The following CSMD1 variants were observed in gnomAD, a reference collection of about 807,000 sequenced individuals.
The protein encoded by CSMD1 is CUB and sushi domain-containing protein 1.
In CSMD1, 213 loss-of-function variants were observed where a neutral mutation model predicts 417.5. The ratio of observed to expected loss-of-function variants is 0.51; its 90% CI spans 0.46 to 0.57. The LOEUF is 0.57. Ranked by LOEUF, CSMD1 falls within the 20% of genes least tolerant of loss-of-function variation. The pLI is 0.00. For missense variants in CSMD1, 6,923 were observed against 4,529.7 expected (o/e 1.53, Z -15.17); for synonymous variants, 2,862 against 1,736.8 (o/e 1.65, Z -16.11).
At chr8:3,701,528 T>G (rs1230685134) in intron 7 of CSMD1, among the ~76,000 whole-genome samples, 1 of 151,388 alleles carries the variant, frequency 6.6e-6, no homozygotes. Flanking sequence ...TTTTTTAGCA[T>G]ATTGGAATTT....
At chr8:4,220,307 G>A (rs1001285558) in intron 3 of CSMD1, among the ~76,000 whole-genome samples, 5 of 152,140 alleles carry the variant, frequency 3.3e-5, no homozygotes, top group Non-Finnish European at 7.4e-5. Flanking sequence ...TTATTTGACT[G>A]GAAATTTGAA....
intron 3 of CSMD1, among the ~76,000 whole-genome samples, chr8:4,076,026 A>T (rs1293539474): frequency 6.6e-6 from 1 of 152,142 alleles, no homozygotes; most frequent in Non-Finnish European, 1.5e-5. Flanking sequence ...AATTCCTATA[A>T]ATATTATGGA....
intron 26 of CSMD1, among the ~76,000 whole-genome samples, chr8:3,240,172 C>G (rs1799406875): frequency 6.6e-6 from 1 of 152,024 alleles, no homozygotes; most frequent in Non-Finnish European, 1.5e-5. Flanking sequence ...GGTCCCGGTT[C>G]TTGTGTAAGA....
intron 1 of CSMD1, among the ~76,000 whole-genome samples, chr8:4,697,667 G>T (rs1041844251): frequency 1.3e-5 from 2 of 152,096 alleles, no homozygotes; most frequent in Non-Finnish European, 2.9e-5. Flanking sequence ...CTGGTTACAC[G>T]ATTTCCCTGG....
At chr8:2,979,714 G>A (rs1468671341) in intron 54 of CSMD1, among the ~76,000 whole-genome samples, 2 of 152,196 alleles carry the variant, frequency 1.3e-5, no homozygotes, top group African/African-American at 4.8e-5. Context: ...GGAAGGCAGA[G>A]GGCAGAATCA....
rs541028436 is a variant in CSMD1 at position 4,879,272 on chromosome 8, G to T, written c.85+115060C>A. 7.4e-4 allele frequency among the ~76,000 whole-genome samples: 112 copies of T among 152,108 alleles called. 1 individual carries two copies. Among genetic ancestry groups the T allele is most frequent in the South Asian group, 2.1e-3 (10 of 4,806 alleles). ...GAAAGGTTGCGGAAATGGAATAGGGGAGATAGTTTCAATTTGTGTTTATTG... is the reference window on the plus strand; with the variant it reads ...GAAAGGTTGCGGAAATGGAATAGGGTAGATAGTTTCAATTTGTGTTTATTG... On this transcript the variant is annotated intron_variant, in intron 1 of 69. Coordinates refer to ENST00000635120, the MANE Select transcript of CSMD1 (RefSeq NM_033225.6).
chr8:4,092,027 C>T (rs1800749189), intron 3 of CSMD1, among the ~76,000 whole-genome samples: 1 of 152,152 alleles, frequency 6.6e-6, no homozygotes, highest in Non-Finnish European at 1.5e-5. Context: ...TTACGTAGCA[C>T]ATATCACAGG....
intron 3 of CSMD1, among the ~76,000 whole-genome samples, chr8:4,124,494 C>G (rs932406076): frequency 6.6e-6 from 1 of 152,132 alleles, no homozygotes; most frequent in Non-Finnish European, 1.5e-5. Flanking sequence ...GTGAAATCAC[C>G]AACTGCCCCT....
At chr8:4,325,698 T>C (rs1378392984) in intron 3 of CSMD1, among the ~76,000 whole-genome samples, 2 of 152,050 alleles carry the variant, frequency 1.3e-5, no homozygotes, top group Non-Finnish European at 2.9e-5. Flanking sequence ...AGATGCAGGA[T>C]AAAACTCAGT....
intron 3 of CSMD1, among the ~76,000 whole-genome samples, chr8:4,413,472 G>A (rs554217707): frequency 6.6e-6 from 1 of 152,252 alleles, no homozygotes; most frequent in South Asian, 2.1e-4. Context: ...TCTTAAAGCT[G>A]TACTTTCAGA....
At chr8:4,081,992 T>C (rs1385465688) in intron 3 of CSMD1, among the ~76,000 whole-genome samples, 1 of 151,888 alleles carries the variant, frequency 6.6e-6, no homozygotes, top group Non-Finnish European at 1.5e-5. Context: ...AGGAAGTTAA[T>C]AGGAAAAAAA....
intron 3 of CSMD1, among the ~76,000 whole-genome samples, chr8:4,089,876 C>A (rs561560041): frequency 6.6e-6 from 1 of 152,042 alleles, no homozygotes; most frequent in South Asian, 2.1e-4. Flanking sequence ...CAGAGAAGTA[C>A]CTGCAGAGCT....
At chr8:4,710,232 G>C (rs536594843) in intron 1 of CSMD1, among the ~76,000 whole-genome samples, 2 of 151,256 alleles carry the variant, frequency 1.3e-5, no homozygotes, top group Admixed American at 6.6e-5. Flanking sequence ...TCTTATTCAA[G>C]GTACTATGAA....
intron 12 of CSMD1, among the ~76,000 whole-genome samples, chr8:3,447,562 G>C (rs1815379859): frequency 6.6e-6 from 1 of 152,220 alleles, no homozygotes. Context: ...ACTGTTCACA[G>C]AGGGCGACAG....
At chr8:3,722,761 C>T (rs1802262141) in intron 6 of CSMD1, among the ~76,000 whole-genome samples, 1 of 152,192 alleles carries the variant, frequency 6.6e-6, no homozygotes, top group African/African-American at 2.4e-5. Flanking sequence ...AGCATTAATG[C>T]TAGTCGTTAG....
intron 17 of CSMD1, among the ~76,000 whole-genome samples, chr8:3,391,268 A>G (rs1811329738): frequency 6.6e-6 from 1 of 152,180 alleles, no homozygotes; most frequent in Non-Finnish European, 1.5e-5. Flanking sequence ...TATCAATCAC[A>G]CAGTAGAGTA....
rs933721478 is a variant in CSMD1, at chr8:3,792,433, G to A, written c.819-38391C>T. Among the ~76,000 whole-genome samples, 12 of 152,252 alleles carry A rather than the reference G, an allele frequency of 7.9e-5. No homozygotes were observed. The South Asian group carries it at 1.2e-3, about 16-fold the overall frequency. On this transcript the variant is annotated intron_variant, in intron 5 of 69. Coordinates refer to ENST00000635120, the MANE Select transcript of CSMD1 (RefSeq NM_033225.6). ...ATATATATTTGGTTATAAAAACAAA[G>A]GCAAAACTGAACAAGATGAGGACGG...
intron 1 of CSMD1, among the ~76,000 whole-genome samples, chr8:4,668,737 C>A (rs970044057): frequency 6.6e-6 from 1 of 152,098 alleles, no homozygotes; most frequent in African/African-American, 2.4e-5. Context: ...AGTTTGCCTA[C>A]AACCTCTCTC....
intron 3 of CSMD1, among the ~76,000 whole-genome samples, chr8:4,172,452 G>A (rs895575725): frequency 6.6e-6 from 1 of 152,030 alleles, no homozygotes; most frequent in Non-Finnish European, 1.5e-5. Context: ...CCCAGGTGTT[G>A]TGTTACAACA....
Sources: allele counts gnomAD v4.1 joint callset (sites outside exome capture counted in the v4.1 genomes callset), GRCh38; gene constraint gnomAD v4.1.1; transcripts MANE v1.5; gene names NCBI Gene and HGNC (gene_info 2026-07-23, HGNC 2026-07-21).